The following VAV1 variants were observed in gnomAD, a reference collection of about 807,000 sequenced individuals.
The protein encoded by VAV1 is proto-oncogene vav.
Under a neutral mutation model 128.1 loss-of-function variants are expected in VAV1, and 33 were observed. The observed-to-expected ratio is 0.26, with a 90% CI of 0.20 to 0.34. VAV1 has a LOEUF of 0.34. VAV1 is among the 10% of genes least tolerant of loss of function. The pLI, the probability that VAV1 is intolerant of heterozygous loss-of-function variation, is 1.00. For missense variants in VAV1, 715 were observed against 1,093.7 expected (o/e 0.65, Z 4.88); for synonymous variants, 394 against 409.8 (o/e 0.96, Z 0.47).
intron 21 of VAV1, among the ~76,000 whole-genome samples, chr19:6,838,397 AT>A (rs1568313105): frequency 3.1e-4 from 4 of 12,928 alleles, no homozygotes; most frequent in Admixed American, 1.6e-3. Flanking sequence ...TCTTCTATCC[AT>A]CCATCCATCC....
At chr19:6,803,283 C>A (rs543566053) in intron 1 of VAV1, among the ~76,000 whole-genome samples, 1 of 152,260 alleles carries the variant, frequency 6.6e-6, no homozygotes, top group Non-Finnish European at 1.5e-5. Context: ...TAATTATATG[C>A]AAATTAAAGG....
At chr19:6,788,608 C>A (rs776507975) in intron 1 of VAV1, among the ~76,000 whole-genome samples, 6 of 152,050 alleles carry the variant, frequency 3.9e-5, no homozygotes, top group Non-Finnish European at 8.8e-5. Context: ...AATGACCTCA[C>A]GTGATCTGCC....
At chr19:6,788,071 C>T (rs1456420616) in intron 1 of VAV1, among the ~76,000 whole-genome samples, 1 of 151,760 alleles carries the variant, frequency 6.6e-6, no homozygotes, top group African/African-American at 2.4e-5. Context: ...AGCAAGACTC[C>T]GTCTCAAAAA....
intron 23 of VAV1, among the ~76,000 whole-genome samples, chr19:6,849,716 A>C (rs1436110691): frequency 6.6e-6 from 1 of 152,192 alleles, no homozygotes; most frequent in Non-Finnish European, 1.5e-5. Flanking sequence ...TAATTCATTT[A>C]GGATAATAAC....
intron 1 of VAV1, among the ~76,000 whole-genome samples, chr19:6,787,020 ATTT>A (rs56137755): frequency 1.4e-5 from 2 of 138,490 alleles, no homozygotes; most frequent in African/African-American, 2.7e-5. Flanking sequence ...CACGCTGTCT[ATTT>A]TTTTTTTTTT....
intron 1 of VAV1, among the ~76,000 whole-genome samples, chr19:6,819,924 C>G (rs2144766493): frequency 6.6e-6 from 1 of 152,238 alleles, no homozygotes; most frequent in African/African-American, 2.4e-5. Flanking sequence ...TTACATGTGC[C>G]CAGCTGTTTC....
At chr19:6,781,941 G>A (rs1013885348) in intron 1 of VAV1, among the ~76,000 whole-genome samples, 1 of 152,110 alleles carries the variant, frequency 6.6e-6, no homozygotes, top group South Asian at 2.1e-4. Context: ...TAAATTGCAA[G>A]TCAGGTATTT....
chr19:6,834,143 G>A (rs566890478), intron 19 of VAV1, among the ~76,000 whole-genome samples, 190 bp downstream of exon 19: 3 of 151,968 alleles, frequency 2.0e-5, no homozygotes, highest in South Asian at 2.1e-4. Context: ...ACACCACCAC[G>A]CCTAGCTAAT....
rs564391539 is a variant in VAV1, at chr19:6,828,296, T to C, written c.1024-123T>C. 204 of 1,508,466 alleles carry C rather than the reference T, an allele frequency of 1.4e-4. No individual in the cohort carries two copies. Among genetic ancestry groups the C allele is most frequent in the Non-Finnish European group, 1.8e-4 (196 of 1,097,096 alleles). 93.4% of individuals were successfully genotyped at this position (1,508,466 alleles called of 1,614,324 possible). A position where few individuals can be genotyped will look rare whatever the true frequency, so the allele number is the denominator to read the frequency against. ...GCTCGGGGATGGGTCACTGGGGTCA[T>C]GTCTCAGCCTCCAGGGTCAGCAGTA... On this transcript the variant is annotated intron_variant, in intron 10 of 26. Coordinates refer to ENST00000602142, the MANE Select transcript of VAV1 (RefSeq NM_005428.4). This position sits in a 1 kb window ranked among gnomAD's most constrained non-coding sequence, Gnocchi z 4.5.
At position 6,853,095 on chromosome 19, in the gene VAV1, C is replaced by A; in HGVS notation, c.2332+16C>A. Reference sequence around the variant, plus strand: ...AGGCCAGCAGGTAGGAGGTCTCAGACTGGGGGCTTACAGCCTCAGCCCCTT... The same window carrying A: ...AGGCCAGCAGGTAGGAGGTCTCAGAATGGGGGCTTACAGCCTCAGCCCCTT... On this transcript the variant is annotated intron_variant, in intron 25 of 26. Coordinates refer to ENST00000602142, the MANE Select transcript of VAV1 (RefSeq NM_005428.4). 1 of 1,608,670 alleles carries A rather than the reference C, an allele frequency of 6.2e-7. No homozygotes were observed. Among genetic ancestry groups the A allele is most frequent in the Non-Finnish European group, 8.5e-7 (1 of 1,176,306 alleles).
chr19:6,780,043 G>A lies in VAV1; in HGVS notation c.204+7032G>A, dbSNP rs1050780887. On this transcript the variant is annotated intron_variant, in intron 1 of 26. Coordinates refer to ENST00000602142, the MANE Select transcript of VAV1 (RefSeq NM_005428.4). ...GGAGAATGGCATGAACCTGGGAGGC[G>A]GAGCTTGCAGTGAGCCGAGATCAGG... Among the ~76,000 whole-genome samples the A allele has an allele frequency of 7.2e-4, 106 of 148,146 alleles. 3 individuals carry two copies. The highest frequency in any genetic ancestry group is 2.4e-3 in the African/African-American group (99 of 40,874).
intron 22 of VAV1, among the ~76,000 whole-genome samples, chr19:6,846,312 C>T (rs1358062101): frequency 6.6e-6 from 1 of 151,286 alleles, no homozygotes; most frequent in Admixed American, 6.6e-5. Context: ...ATGGGCTGGG[C>T]ACGGTGGCTT....
intron 1 of VAV1, among the ~76,000 whole-genome samples, chr19:6,788,350 TTTA>T (rs148778427): frequency 0.6 from 84,649 of 141,608 alleles, 26,747 homozygotes; most frequent in East Asian, 0.8. Context: ...TTCTTTTTAT[TTTA>T]TTATTATTAT....
chr19:6,813,509 G>T (rs1971556250), intron 1 of VAV1, among the ~76,000 whole-genome samples: 1 of 152,046 alleles, frequency 6.6e-6, no homozygotes, highest in Non-Finnish European at 1.5e-5. Flanking sequence ...GACCATTGGG[G>T]GCCATCCTGG....
intron 24 of VAV1, among the ~76,000 whole-genome samples, chr19:6,852,171 G>T (rs193266669): frequency 3.3e-5 from 5 of 152,198 alleles, no homozygotes; most frequent in African/African-American, 1.2e-4. Flanking sequence ...GCACTGTCAT[G>T]CCTGGCTAAT....
At chr19:6,810,742 T>C (rs1893418300) in intron 1 of VAV1, among the ~76,000 whole-genome samples, 1 of 151,708 alleles carries the variant, frequency 6.6e-6, no homozygotes, top group African/African-American at 2.4e-5. Flanking sequence ...TTCTGAAGGA[T>C]TGGGGAGTGT....
rs2144793411 is a variant in VAV1, at chr19:6,833,274, G to A, written c.1599G>A (p.Gln533=). The change falls in exon 16 of 27, where the codon CAG becomes CAA. Residue 533 remains glutamine (Q), a synonymous_variant. Transcript: ENST00000602142. The part of the protein sequence containing the change: ...FEETTSCKAC[Q]MLLRGTFYQG... ...AGACCACATCCTGCAAGGCCTGTCA[G>A]ATGCTGCTTAGGTGAGAATCTGGGA... The A allele has an allele frequency of 6.2e-7, 1 of 1,612,320 alleles. No individual in the cohort carries two copies. The highest frequency in any genetic ancestry group is 1.1e-5 in the South Asian group (1 of 90,506).
rs113094779 is a variant in VAV1 at position 6,822,099 on chromosome 19, C to T, written c.450-122C>T. The T allele has an allele frequency of 5.6e-6, 6 of 1,078,658 alleles. No homozygotes were observed. The highest frequency in any genetic ancestry group is 4.7e-5 in the African/African-American group (3 of 63,770). 66.8% of individuals were successfully genotyped at this position (1,078,658 alleles called of 1,614,324 possible). On this transcript the variant is annotated intron_variant, in intron 4 of 26. Coordinates refer to ENST00000602142, the MANE Select transcript of VAV1 (RefSeq NM_005428.4). The surrounding 1 kb of genome is among the most constrained non-coding windows in gnomAD (Gnocchi z 5.9). The stretch of plus-strand genomic sequence containing the variant: ...CTGGAGCTTGGAGGGACATGGCCTG[C>T]CCTTGGAGTCTGAGGTCCCACCCTT...
chr19:6,852,462 C>T (rs1972690931), intron 24 of VAV1, among the ~76,000 whole-genome samples: 1 of 152,232 alleles, frequency 6.6e-6, no homozygotes, highest in African/African-American at 2.4e-5. Context: ...TGGCTCACGC[C>T]TGTAATCCCA....
Sources: gnomAD v4.1 joint callset for allele counts (sites outside exome capture counted in the v4.1 genomes callset) on GRCh38, gnomAD v4.1.1 for gene constraint, Gnocchi (gnomAD v3.1) non-coding constraint, MANE v1.5 for transcripts, NCBI Gene and HGNC (gene_info 2026-07-23, HGNC 2026-07-21) for gene names.